The following LINGO1 variants were observed in gnomAD, a reference collection of about 807,000 sequenced individuals.
LINGO1 encodes leucine rich repeat and Ig domain containing 1, also known as leucine-rich repeat and immunoglobulin-like domain-containing nogo receptor-interacting protein 1.
Under a neutral mutation model 37.3 loss-of-function variants are expected in LINGO1, and 11 were observed. The ratio of observed to expected loss-of-function variants is 0.29; its 90% CI spans 0.19 to 0.49. The LOEUF is 0.49. Ranked by LOEUF, LINGO1 falls within the 20% of genes least tolerant of loss-of-function variation. LINGO1 has a pLI of 0.99. For missense variants in LINGO1, 585 were observed against 878.2 expected, an observed-to-expected ratio of 0.67 and a Z score of 4.22; for synonymous variants, 387 against 403.0, an observed-to-expected ratio of 0.96 and a Z score of 0.48.
chr15:77,812,415 C>G (rs1029750264), intron 1 of LINGO1, among the ~76,000 whole-genome samples: 6 of 152,214 alleles, frequency 3.9e-5, no homozygotes, highest in African/African-American at 1.4e-4. Flanking sequence ...CTCCACTTAA[C>G]AGATGGGAAA....
Position 77,632,444 on chromosome 15 carries a change from G to T in LINGO1, c.-129C>A. 9.5e-7 allele frequency: 1 copy of T among 1,050,302 alleles called. No homozygotes were observed. 65.1% of individuals were successfully genotyped at this position (1,050,302 alleles called of 1,614,324 possible). ...CCTCCTCCGACACCTCCGCCCGGCA[G>T]TCCGCGCGCCCTCGCGGGGCTGGCT... On this transcript the variant is annotated 5_prime_UTR_variant, in exon 1 of 2. The change creates a new upstream start codon in the 5' untranslated region. Coordinates refer to ENST00000355300, the MANE Select transcript of LINGO1 (RefSeq NM_032808.7). The surrounding 1 kb of genome is among the most constrained non-coding windows in gnomAD (Gnocchi z 6.0).
chr15:77,676,126 C>T (rs943211249), intron 3 of LINGO1, among the ~76,000 whole-genome samples: 3 of 152,270 alleles, frequency 2.0e-5, no homozygotes, highest in Admixed American at 2.0e-4. Context: ...CCCCAGGTCT[C>T]TGTCCTAGGG....
chr15:77,707,549 G>A (rs1487238772), intron 2 of LINGO1: 1 of 152,250 alleles, frequency 6.6e-6, no homozygotes, highest in East Asian at 1.9e-4. Context: ...CAGACATCAA[G>A]AAAATCCCCT....
chr15:77,756,692 C>T (rs748945174), intron 1 of LINGO1, among the ~76,000 whole-genome samples: 27 of 152,236 alleles, frequency 1.8e-4, no homozygotes, highest in Non-Finnish European at 2.9e-4. Flanking sequence ...ACATTTTCAT[C>T]GCAGTGTTAA....
chr15:77,781,456 T>C (rs1322808667), intron 1 of LINGO1, among the ~76,000 whole-genome samples: 5 of 152,200 alleles, frequency 3.3e-5, no homozygotes, highest in African/African-American at 1.2e-4. Flanking sequence ...ATAAGACATG[T>C]TTAATTAAAG....
chr15:77,800,808 C>T (rs187693176), intron 1 of LINGO1, among the ~76,000 whole-genome samples: 73 of 151,998 alleles, frequency 4.8e-4, no homozygotes, highest in African/African-American at 1.7e-3. Flanking sequence ...CGCTAATATG[C>T]AAAGAGCCCC....
intron 3 of LINGO1, among the ~76,000 whole-genome samples, chr15:77,673,079 C>T (rs1335067812): frequency 6.6e-6 from 1 of 152,136 alleles, no homozygotes; most frequent in African/African-American, 2.4e-5. Context: ...GGGAAAAAAC[C>T]ACTTAGATCC....
chr15:77,759,724 T>C (rs2141380278), intron 1 of LINGO1, among the ~76,000 whole-genome samples: 1 of 152,328 alleles, frequency 6.6e-6, no homozygotes, highest in East Asian at 1.9e-4. Flanking sequence ...GGGAGAAAGG[T>C]GCCAGTTTAC....
rs146314473 is a variant in LINGO1 at position 77,759,234 on chromosome 15, G to A, written c.-256-24181C>T. 1.1e-3 allele frequency among the ~76,000 whole-genome samples: 165 copies of A among 152,272 alleles called. 2 individuals are homozygous for A. The East Asian group carries it at 0.027, about 25-fold the overall frequency. ...GCACATTGCTTCCCCTTCCTTCACT[G>A]GCCTCTGGCTTGAGGTTACAAGCCC... On this transcript the variant is annotated intron_variant, in intron 1 of 3. Transcript: ENST00000561686.
upstream of LINGO1, among the ~76,000 whole-genome samples, chr15:77,636,991 C>T (rs971030983): frequency 3.9e-5 from 6 of 152,204 alleles, no homozygotes; most frequent in Admixed American, 1.3e-4. Context: ...AGATGTGGCT[C>T]GGTATAGAGC....
chr15:77,693,881 C>T (rs1049840412), intron 1 of LINGO1, among the ~76,000 whole-genome samples: 1 of 152,138 alleles, frequency 6.6e-6, no homozygotes, highest in African/African-American at 2.4e-5. Flanking sequence ...CAGACCCCAC[C>T]CCTCAAGAAA....
intron 2 of LINGO1, among the ~76,000 whole-genome samples, chr15:77,702,332 C>A (rs1472985271): frequency 6.6e-6 from 1 of 152,174 alleles, no homozygotes; most frequent in Non-Finnish European, 1.5e-5. Flanking sequence ...AGGCTCCAGA[C>A]AAGCTGCCTC....
chr15:77,761,542 C>T (rs1567569060), intron 1 of LINGO1, among the ~76,000 whole-genome samples: 1 of 152,166 alleles, frequency 6.6e-6, no homozygotes, highest in Non-Finnish European at 1.5e-5. Context: ...CTTTTTTCTC[C>T]GTGACTGTGC....
intron 3 of LINGO1, among the ~76,000 whole-genome samples, chr15:77,642,940 G>A (rs767747299): frequency 5.5e-4 from 84 of 152,324 alleles, no homozygotes; most frequent in Non-Finnish European, 1.1e-3. Context: ...AGCTGCCTGA[G>A]GCCATGCAGC....
intron 1 of LINGO1, among the ~76,000 whole-genome samples, chr15:77,760,151 A>C (rs1252750025): frequency 1.3e-5 from 2 of 151,392 alleles, no homozygotes; most frequent in African/African-American, 2.4e-5. Flanking sequence ...CATTCCACAC[A>C]CCTGATGACT....
chr15:77,790,240 C>T (rs1265422105), upstream of LINGO1, among the ~76,000 whole-genome samples: 2 of 152,218 alleles, frequency 1.3e-5, no homozygotes, highest in African/African-American at 2.4e-5. Flanking sequence ...ACACTGGACA[C>T]ACCCCTGCCC....
intron 2 of LINGO1, among the ~76,000 whole-genome samples, chr15:77,714,348 T>G (rs1806712909): frequency 6.6e-6 from 1 of 152,162 alleles, no homozygotes; most frequent in Non-Finnish European, 1.5e-5. Context: ...TGGAGAGATC[T>G]TTTTTAAAAC....
chr15:77,759,176 T>C (rs931845891), intron 1 of LINGO1, among the ~76,000 whole-genome samples: 2 of 152,232 alleles, frequency 1.3e-5, no homozygotes, highest in Non-Finnish European at 2.9e-5. Flanking sequence ...CAGCCACCCA[T>C]GCACACGCAC....
upstream of LINGO1, among the ~76,000 whole-genome samples, chr15:77,787,701 G>A (rs78736342): frequency 0.047 from 7,182 of 152,112 alleles, 219 homozygotes; most frequent in Middle Eastern, 0.075. Flanking sequence ...CATCTTCAGC[G>A]TCCCCACCTC....
Sources: allele counts gnomAD v4.1 joint callset (sites outside exome capture counted in the v4.1 genomes callset), GRCh38; gene constraint gnomAD v4.1.1; non-coding constraint Gnocchi (gnomAD v3.1); transcripts MANE v1.5; gene names NCBI Gene and HGNC (gene_info 2026-07-23, HGNC 2026-07-21).